The following CSF1R variants were observed in gnomAD, a reference collection of about 807,000 sequenced individuals.
The protein encoded by CSF1R is colony stimulating factor 1 receptor, also known as macrophage colony-stimulating factor 1 receptor.
A neutral mutation model predicts 110.0 loss-of-function variants in CSF1R; 40 were observed. The observed-to-expected ratio is 0.36, with a 90% CI of 0.28 to 0.47. The LOEUF is 0.47. CSF1R is among the 20% of genes least tolerant of loss of function. CSF1R has a pLI of 0.99. For synonymous variants in CSF1R, 523 were observed against 503.4 expected (o/e 1.04, Z -0.52); for missense variants, 1,052 against 1,253.0 (o/e 0.84, Z 2.42).
At chr5:150,105,173 C>T (rs1759509985) in intron 1 of CSF1R, among the ~76,000 whole-genome samples, 1 of 150,566 alleles carries the variant, frequency 6.6e-6, no homozygotes, top group Admixed American at 6.6e-5. Flanking sequence ...ACAGTGAAAC[C>T]CTGTCTCTCC....
intron 12 of CSF1R, 138 bp downstream of exon 12, chr5:150,061,353 C>T (rs891515697): frequency 2.3e-5 from 17 of 748,718 alleles, no homozygotes; most frequent in Non-Finnish European, 3.4e-5. Flanking sequence ...CAAGAAAACC[C>T]AAGTCCTCAC....
chr5:150,059,982 C>G, intron 13 of CSF1R, 120 bp from the exon 14 acceptor site: 1 of 1,174,990 alleles, frequency 8.5e-7, no homozygotes, highest in Middle Eastern at 3.0e-4. Flanking sequence ...GAGTTCTAAC[C>G]TCGGCTCTGT....
At chr5:150,071,823 A>G (rs897452870) in intron 6 of CSF1R, among the ~76,000 whole-genome samples, 12 of 152,142 alleles carry the variant, frequency 7.9e-5, no homozygotes, top group Non-Finnish European at 4.4e-5. Flanking sequence ...TGAGAGGAAG[A>G]CAGAGACCTG....
intron 1 of CSF1R, among the ~76,000 whole-genome samples, chr5:150,091,877 A>T (rs10078430): frequency 0.016 from 2,074 of 132,700 alleles, 53 homozygotes; most frequent in African/African-American, 0.054. Flanking sequence ...AAAAAAAAAA[A>T]AATCCTAAGG....
chr5:150,108,047 G>A (rs1359940584), intron 1 of CSF1R, among the ~76,000 whole-genome samples: 2 of 152,116 alleles, frequency 1.3e-5, no homozygotes, highest in Non-Finnish European at 2.9e-5. Flanking sequence ...TGAGTTGAGA[G>A]GAAGTGAGAA....
chr5:150,098,090 G>A (rs927184143), intron 1 of CSF1R, among the ~76,000 whole-genome samples: 1 of 152,178 alleles, frequency 6.6e-6, no homozygotes, highest in Admixed American at 6.5e-5. Context: ...CTGCACATAT[G>A]TGGCCAATTG....
intron 2 of CSF1R, 105 bp from the exon 3 acceptor site, chr5:150,080,441 T>C: frequency 7.0e-7 from 1 of 1,423,616 alleles, no homozygotes; most frequent in Non-Finnish European, 9.5e-7. Context: ...ATCATTCATC[T>C]GAGGTCACAC....
At chr5:150,073,970 C>T (rs944790513) in intron 5 of CSF1R, among the ~76,000 whole-genome samples, 4 of 152,140 alleles carry the variant, frequency 2.6e-5, no homozygotes, top group African/African-American at 9.7e-5. Context: ...CCCTCTGGCC[C>T]GGTGATTGGT....
intron 5 of CSF1R, among the ~76,000 whole-genome samples, chr5:150,076,321 C>CCTAT (rs59302630): frequency 0.01 from 1,490 of 148,106 alleles, 11 homozygotes; most frequent in East Asian, 0.015. Context: ...CTAAGTACTT[C>CCTAT]CTATCTATCT....
chr5:150,067,498 G>T (rs1484512781), intron 10 of CSF1R, among the ~76,000 whole-genome samples: 1 of 152,184 alleles, frequency 6.6e-6, no homozygotes, highest in Non-Finnish European at 1.5e-5. Flanking sequence ...AGATGATGTA[G>T]GTAACATGCT....
chr5:150,096,164 C>G (rs546856994), intron 1 of CSF1R, among the ~76,000 whole-genome samples: 4 of 152,054 alleles, frequency 2.6e-5, no homozygotes, highest in African/African-American at 9.7e-5. Flanking sequence ...CCGAGGCGGG[C>G]GGATCATGTG....
chr5:150,059,292 C>A (rs1181209413), intron 14 of CSF1R, among the ~76,000 whole-genome samples: 1 of 152,222 alleles, frequency 6.6e-6, no homozygotes, highest in African/African-American at 2.4e-5. Flanking sequence ...GATCTGCCCG[C>A]CTCAGCCTCC....
intron 1 of CSF1R, chr5:150,094,198 A>C (rs1759138716): frequency 3.0e-6 from 2 of 668,410 alleles, no homozygotes; most frequent in Admixed American, 3.1e-5. Flanking sequence ...ATAATGAGGG[A>C]CATTACATAG....
chr5:150,080,003 T>C, intron 3 of CSF1R, 49 bp downstream of exon 3: 1 of 1,584,110 alleles, frequency 6.3e-7, no homozygotes, highest in Non-Finnish European at 8.6e-7. Flanking sequence ...CCGCCGGCTC[T>C]CTGTCCCCAC....
upstream of CSF1R, among the ~76,000 whole-genome samples, chr5:150,087,154 T>A (rs1427680681): frequency 6.6e-6 from 1 of 152,154 alleles, no homozygotes; most frequent in Non-Finnish European, 1.5e-5. Flanking sequence ...ACCAGATTCG[T>A]GTCTGCTGCA....
At chr5:150,068,131 G>A (rs865943159) in intron 10 of CSF1R, 84 bp downstream of exon 10, 17 of 1,021,874 alleles carry the variant, frequency 1.7e-5, no homozygotes, top group South Asian at 5.7e-5. Context: ...TGAGGAGGAG[G>A]AAGGGTGAAT....
intron 1 of CSF1R, 80 bp downstream of exon 1, chr5:150,086,299 G>C: frequency 7.1e-7 from 1 of 1,411,840 alleles, no homozygotes; most frequent in South Asian, 1.3e-5. Context: ...CACCCAGTGA[G>C]GGGCAAGGAC....
upstream of CSF1R, chr5:150,086,580 T>C (rs1758857467): frequency 3.0e-6 from 2 of 657,262 alleles, no homozygotes; most frequent in Admixed American, 5.3e-5. Context: ...TCCTCCTCCT[T>C]GGGCTGATCC....
Position 150,104,437 on chromosome 5 carries a change from C to A in CSF1R, c.-181+8824G>T, listed in dbSNP as rs1299168570. On this transcript the variant is annotated intron_variant, in intron 1 of 21. Transcript: ENST00000286301. ...GCTGCCTCCTGGAAGCCTCCCTGTT[C>A]CTGCCAGATGGGCAGGTATCCTTAT... is the stretch of plus-strand genomic sequence containing the variant. Among the ~76,000 whole-genome samples the A allele has an allele frequency of 2.0e-5, 3 of 152,204 alleles. No homozygotes were observed. In the South Asian group the frequency reaches 6.2e-4, roughly 31 times the overall value.
Sources: allele counts gnomAD v4.1 joint callset (sites outside exome capture counted in the v4.1 genomes callset), GRCh38; gene constraint gnomAD v4.1.1; transcripts MANE v1.5; gene names NCBI Gene and HGNC (gene_info 2026-07-23, HGNC 2026-07-21).